Variants in RPH3AL observed in about 807,000 individuals in gnomAD.
The protein encoded by RPH3AL is rabphilin 3A like (without C2 domains).
In RPH3AL, 38 loss-of-function variants were observed where a neutral mutation model predicts 43.1. That is an observed-to-expected ratio of 0.88 (90% confidence interval 0.68 to 1.15). The LOEUF (loss-of-function observed/expected upper bound fraction) is 1.15, where lower values mean the gene tolerates loss of function less well. RPH3AL is among the 50% of genes most tolerant of loss of function. The probability of loss-of-function intolerance (pLI) is 0.00; values close to 1 mark genes in which losing one functional copy is unlikely to be tolerated. For synonymous variants in RPH3AL, 189 were observed against 176.3 expected, an observed-to-expected ratio of 1.07 and a Z score of -0.57; for missense variants, 462 against 423.2, an observed-to-expected ratio of 1.09 and a Z score of -0.81.
chr17:253,471 G>A (rs1490042856), intron 6 of RPH3AL, among the ~76,000 whole-genome samples: 5 of 152,126 alleles, frequency 3.3e-5, no homozygotes, highest in East Asian at 3.9e-4. Context: ...CCGGACCACG[G>A]TTTTGGCCTC....
At chr17:231,555 A>G (rs535485147) in intron 7 of RPH3AL, among the ~76,000 whole-genome samples, 85 of 152,312 alleles carry the variant, frequency 5.6e-4, no homozygotes, top group Non-Finnish European at 1.1e-3. Flanking sequence ...CTGGAATCAG[A>G]TGGGGCAGAG....
chr17:222,725 C>T (rs1466767950), intron 7 of RPH3AL, among the ~76,000 whole-genome samples: 2 of 152,216 alleles, frequency 1.3e-5, no homozygotes, highest in African/African-American at 4.8e-5. Flanking sequence ...ACCCGTATTG[C>T]ATTGTCTGTG....
chr17:324,702 G>GCTAGCTATCTATCTATCTAT (rs1301592247), intron 3 of RPH3AL, among the ~76,000 whole-genome samples: 214 of 119,918 alleles, frequency 1.8e-3, no homozygotes, highest in African/African-American at 3.1e-3. Context: ...TAGCTAGCTA[G>GCTAGCTATCTATCTATCTAT]CTATGTACCT....
chr17:307,142 G>C (rs984991731), intron 5 of RPH3AL, among the ~76,000 whole-genome samples: 1 of 148,880 alleles, frequency 6.7e-6, no homozygotes, highest in Non-Finnish European at 1.5e-5. Flanking sequence ...CCTCCCCATG[G>C]CAGGTCCTCC....
At chr17:222,891 C>G (rs1410347652) in intron 7 of RPH3AL, among the ~76,000 whole-genome samples, 1 of 152,198 alleles carries the variant, frequency 6.6e-6, no homozygotes, top group Admixed American at 6.5e-5. Context: ...CAAGTTGCCT[C>G]CATCAATACT....
chr17:256,301 C>T (rs2042051182), intron 6 of RPH3AL, among the ~76,000 whole-genome samples: 1 of 49,942 alleles, frequency 2.0e-5, no homozygotes, highest in Admixed American at 2.1e-4. Context: ...GACTACCCTA[C>T]GTACTTCCTA....
chr17:215,425 G>A lies in RPH3AL; in HGVS notation c.876+229C>T, dbSNP rs1448819986. 6.6e-6 allele frequency among the ~76,000 whole-genome samples: 1 copy of A among 152,246 alleles called. No homozygotes were observed. The highest frequency in any genetic ancestry group is 1.5e-5 in the Non-Finnish European group (1 of 68,046). The stretch of plus-strand genomic sequence containing the variant: ...AGCAGAGGATGGTAACCACTGCTGT[G>A]ATTACCGAGAGTGGCTAGGGATGGC... On this transcript the variant is annotated intron_variant, in intron 9 of 9. Coordinates refer to ENST00000331302, the MANE Select transcript of RPH3AL (RefSeq NM_006987.4). The surrounding 1 kb of genome is among the most constrained non-coding windows in gnomAD (Gnocchi z 4.1).
At chr17:350,738 G>A (rs1047580640) in intron 1 of RPH3AL, among the ~76,000 whole-genome samples, 6 of 152,200 alleles carry the variant, frequency 3.9e-5, no homozygotes, top group African/African-American at 1.4e-4. Context: ...GCACTAAAAG[G>A]ATGAAATGGG....
intron 7 of RPH3AL, among the ~76,000 whole-genome samples, chr17:231,956 G>C (rs897228090): frequency 1.3e-5 from 2 of 152,260 alleles, no homozygotes; most frequent in African/African-American, 2.4e-5. Flanking sequence ...AAGAGGTCGG[G>C]TGTGGCAGGA....
intron 5 of RPH3AL, among the ~76,000 whole-genome samples, chr17:303,567 G>A (rs1367701050): frequency 8.8e-5 from 7 of 79,162 alleles, no homozygotes; most frequent in African/African-American, 2.9e-4. Flanking sequence ...GCTGTACTGA[G>A]GTTTTAATAA....
At chr17:286,993 CCT>C (rs368888059) in intron 5 of RPH3AL, among the ~76,000 whole-genome samples, 2,878 of 56,018 alleles carry the variant, frequency 0.051, 540 homozygotes, top group East Asian at 0.23. Context: ...GACCTCACAC[CCT>C]CTCTCCACCG....
In RPH3AL at chr17:264,532, C is replaced by G. The variant is rs868923873; in HGVS notation, c.438+17236G>C. Among the ~76,000 whole-genome samples the G allele has an allele frequency of 1.3e-5, 2 of 149,690 alleles. No individual in the cohort carries two copies. Among genetic ancestry groups the G allele is most frequent in the Non-Finnish European group, 3.0e-5 (2 of 67,482 alleles). ...AGCAGGATTACCCTTCGGAGCCGTG[C>G]GCGCTGGATGGGGACTCAGAATCCG... On this transcript the variant is annotated intron_variant, in intron 6 of 9. Transcript: ENST00000331302. The surrounding 1 kb of genome is among the most constrained non-coding windows in gnomAD (Gnocchi z 4.8).
At chr17:251,111 C>T (rs1307138470) in intron 6 of RPH3AL, among the ~76,000 whole-genome samples, 2 of 152,230 alleles carry the variant, frequency 1.3e-5, no homozygotes, top group East Asian at 1.9e-4. Context: ...CGGACTGCCA[C>T]GTCCAGACTA....
intron 5 of RPH3AL, among the ~76,000 whole-genome samples, chr17:313,000 G>A (rs1241660388): frequency 6.6e-6 from 1 of 152,146 alleles, no homozygotes; most frequent in Non-Finnish European, 1.5e-5. Flanking sequence ...ATCTGCGTGG[G>A]GACAGTCCTC....
chr17:278,870 A>G (rs2042718704), intron 6 of RPH3AL, among the ~76,000 whole-genome samples: 2 of 152,208 alleles, frequency 1.3e-5, no homozygotes, highest in South Asian at 4.1e-4. Flanking sequence ...GTGAAAGGGC[A>G]TAACACAGGC....
chr17:351,366 G>C (rs907146604), intron 1 of RPH3AL, among the ~76,000 whole-genome samples: 1 of 152,138 alleles, frequency 6.6e-6, no homozygotes, highest in Admixed American at 6.5e-5. Context: ...ACTGCCTCCT[G>C]AAAAGTTCAG....
chr17:233,106 G>A (rs1162557176), intron 7 of RPH3AL, among the ~76,000 whole-genome samples: 2 of 151,684 alleles, frequency 1.3e-5, no homozygotes, highest in Admixed American at 6.6e-5. Context: ...TGGGTCTGAC[G>A]GGATTTCGTT....
intron 1 of RPH3AL, among the ~76,000 whole-genome samples, chr17:346,546 C>G (rs1344179663): frequency 1.5e-5 from 2 of 133,634 alleles, no homozygotes; most frequent in African/African-American, 2.6e-5. Flanking sequence ...ATGAGAACAG[C>G]ACGGGAAAGA....
intron 6 of RPH3AL, among the ~76,000 whole-genome samples, chr17:272,011 A>T (rs1476850317): frequency 6.6e-6 from 1 of 152,224 alleles, no homozygotes; most frequent in African/African-American, 2.4e-5. Flanking sequence ...AAAAATGCTC[A>T]CCATCACTGG....
Sources: allele counts gnomAD v4.1 joint callset (sites outside exome capture counted in the v4.1 genomes callset), GRCh38; gene constraint gnomAD v4.1.1; non-coding constraint Gnocchi (gnomAD v3.1); transcripts MANE v1.5; gene names NCBI Gene and HGNC (gene_info 2026-07-23, HGNC 2026-07-21).